The following ACSM6 variants were observed in gnomAD, a reference collection of about 807,000 sequenced individuals.
The protein encoded by ACSM6 is acyl-CoA synthetase medium chain family member 6, also known as acyl-coenzyme A synthetase ACSM6, mitochondrial.
In ACSM6, 35 loss-of-function variants were observed where a neutral mutation model predicts 51.1. That is an observed-to-expected ratio of 0.69 (90% CI 0.52 to 0.91). The LOEUF (loss-of-function observed/expected upper bound fraction) is 0.91. Ranked by LOEUF, ACSM6 falls within the 40% of genes least tolerant of loss-of-function variation. The pLI is 0.00. For synonymous variants in ACSM6, 172 were observed against 207.3 expected, an observed-to-expected ratio of 0.83 and a Z score of 1.46; for missense variants, 509 against 584.1, an observed-to-expected ratio of 0.87 and a Z score of 1.32.
intron 9 of ACSM6, among the ~76,000 whole-genome samples, chr10:95,221,908 A>G (rs1447153820): frequency 1.3e-5 from 2 of 152,164 alleles, no homozygotes; most frequent in Admixed American, 6.5e-5. Flanking sequence ...TTGGGTAGAG[A>G]AGGAACTTAC....
intron 5 of ACSM6, 97 bp downstream of exon 5, chr10:95,210,890 C>T: frequency 1.5e-6 from 2 of 1,368,706 alleles, no homozygotes; most frequent in Non-Finnish European, 2.0e-6. Flanking sequence ...GTTTCTTACT[C>T]AAGACTGCAG....
intron 10 of ACSM6, among the ~76,000 whole-genome samples, chr10:95,227,764 G>T (rs2035053657): frequency 6.6e-6 from 1 of 152,204 alleles, no homozygotes; most frequent in African/African-American, 2.4e-5. Flanking sequence ...CTATGGCAAT[G>T]AGTCAAATGC....
In ACSM6 at chr10:95,208,602, G is replaced by A. The variant is rs615845; in HGVS notation, c.611+1187G>A. ...CCTTATCTGTGGCTTTGTTTTCTGC[G>A]GTTTCAGTTACCTGTGGTCAACTAC... On this transcript the variant is annotated intron_variant, in intron 4 of 10. Coordinates refer to ENST00000341686, the Ensembl canonical transcript of ACSM6. Among the ~76,000 whole-genome samples, 999 of 152,168 alleles carry A rather than the reference G, an allele frequency of 6.6e-3. 10 individuals carry two copies. The highest frequency in any genetic ancestry group is 0.023 in the African/African-American group (953 of 41,512).
chr10:95,203,525 A>C (rs1277876327), intron 3 of ACSM6, among the ~76,000 whole-genome samples: 3 of 152,058 alleles, frequency 2.0e-5, no homozygotes, highest in Admixed American at 2.0e-4. Context: ...AGTCACCCTG[A>C]ATGAGCTTGG....
At chr10:95,223,540 C>G (rs536282212) in intron 9 of ACSM6, among the ~76,000 whole-genome samples, 3 of 151,864 alleles carry the variant, frequency 2.0e-5, no homozygotes, top group Admixed American at 6.6e-5. Flanking sequence ...CTATAAAAAC[C>G]AATTAATACA....
chr10:95,202,740 A>G (rs1170867876), intron 3 of ACSM6, among the ~76,000 whole-genome samples: 1 of 152,046 alleles, frequency 6.6e-6, no homozygotes, highest in East Asian at 1.9e-4. Flanking sequence ...CCTGGGAAAC[A>G]TGATGAAACC....
intron 2 of ACSM6, among the ~76,000 whole-genome samples, chr10:95,197,475 T>C (rs1041792605): frequency 7.1e-4 from 108 of 152,190 alleles, no homozygotes; most frequent in African/African-American, 2.0e-3. Flanking sequence ...ATAGAATCTA[T>C]GTCATAATTA....
intron 8 of ACSM6, among the ~76,000 whole-genome samples, chr10:95,215,478 G>A (rs950212312): frequency 1.3e-5 from 2 of 152,222 alleles, no homozygotes; most frequent in Admixed American, 1.3e-4. Flanking sequence ...CATGGTAAAA[G>A]TGGACAGTTA....
chr10:95,213,487 T>C (rs1393038598), intron 7 of ACSM6, among the ~76,000 whole-genome samples: 5 of 152,222 alleles, frequency 3.3e-5, no homozygotes, highest in African/African-American at 1.2e-4. Flanking sequence ...GGTATCTGTT[T>C]ATATCATAGT....
rs543122400 is a variant in ACSM6 at position 95,200,510 on chromosome 10, A to G, written c.193-1475A>G. 9.9e-5 allele frequency among the ~76,000 whole-genome samples: 15 copies of G among 151,886 alleles called. No individual in the cohort carries two copies. The South Asian group carries it at 1.0e-3, about 11-fold the overall frequency. ...CTTGAAGAAGAAGAAAAGAAGAAGAAGAGGAAGAGGAAGAATAGGAAGAAG... is the reference window on the plus strand; with the variant it reads ...CTTGAAGAAGAAGAAAAGAAGAAGAGGAGGAAGAGGAAGAATAGGAAGAAG... On this transcript the variant is annotated intron_variant, in intron 2 of 10. Transcript: ENST00000341686.
exon 8 of ACSM6, chr10:95,214,856 A>C: frequency 1.3e-6 from 2 of 1,551,404 alleles, no homozygotes; most frequent in Non-Finnish European, 1.7e-6. Context: ...CTCCAGCTAC[A>C]GATTCAAGAG....
intron 2 of ACSM6, chr10:95,201,653 C>G (rs562424966): frequency 8.2e-6 from 4 of 488,414 alleles, no homozygotes; most frequent in Non-Finnish European, 1.6e-5. Flanking sequence ...ATAATGATTT[C>G]TTTTCTTTTG....
chr10:95,203,071 G>A (rs2034810209), intron 3 of ACSM6, among the ~76,000 whole-genome samples: 1 of 152,124 alleles, frequency 6.6e-6, no homozygotes, highest in Non-Finnish European at 1.5e-5. Flanking sequence ...AGCTTCATCT[G>A]TATTTACAGC....
intron 3 of ACSM6, among the ~76,000 whole-genome samples, chr10:95,204,768 AC>A (rs2034826756): frequency 6.6e-6 from 1 of 152,240 alleles, no homozygotes; most frequent in Admixed American, 6.5e-5. Flanking sequence ...ATAGGTGAGT[AC>A]ATAAACTCAT....
chr10:95,226,174 G>A (rs545350638), intron 10 of ACSM6: 1 of 152,288 alleles, frequency 6.6e-6, no homozygotes, highest in Non-Finnish European at 1.5e-5. Flanking sequence ...AATCTGCCGT[G>A]TAACAATTTG....
intron 9 of ACSM6, among the ~76,000 whole-genome samples, chr10:95,220,744 A>T (rs1257051453): frequency 6.6e-6 from 1 of 152,134 alleles, no homozygotes; most frequent in Non-Finnish European, 1.5e-5. Context: ...ATCCAGTTTC[A>T]CTACATATTA....
chr10:95,223,591 GAC>G (rs2133393932), intron 9 of ACSM6, among the ~76,000 whole-genome samples: 1 of 151,990 alleles, frequency 6.6e-6, no homozygotes, highest in Admixed American at 6.6e-5. Context: ...CATCTCAACA[GAC>G]ACAGAAAAAT....
intron 2 of ACSM6, among the ~76,000 whole-genome samples, chr10:95,200,258 A>G (rs1432730696): frequency 1.3e-5 from 2 of 150,228 alleles, no homozygotes; most frequent in Admixed American, 6.7e-5. Context: ...CAAAAAACCA[A>G]ACACCACATG....
exon 2 of ACSM6, chr10:95,194,676 A>G: frequency 6.4e-7 from 1 of 1,551,046 alleles, no homozygotes; most frequent in Non-Finnish European, 8.7e-7. Context: ...CAGCTGGAAA[A>G]GGTAAAACTT....
Sources: gnomAD v4.1 joint callset for allele counts (sites outside exome capture counted in the v4.1 genomes callset) on GRCh38, gnomAD v4.1.1 for gene constraint, MANE v1.5 for transcripts, NCBI Gene and HGNC (gene_info 2026-07-23, HGNC 2026-07-21) for gene names.